Variants in SH2D4A observed in about 807,000 individuals in gnomAD.
SH2D4A encodes the protein SH2 domain containing 4A, also known as SH2 domain-containing protein 4A.
In SH2D4A, 70 loss-of-function variants were observed where a neutral mutation model predicts 64.7. That is an observed-to-expected ratio of 1.08 (90% confidence interval 0.89 to 1.32). SH2D4A has a LOEUF of 1.32. SH2D4A is among the 40% of genes most tolerant of loss of function. SH2D4A has a pLI of 0.00. For synonymous variants in SH2D4A, 268 were observed against 200.7 expected, an observed-to-expected ratio of 1.34 and a Z score of -2.83; for missense variants, 706 against 540.1, an observed-to-expected ratio of 1.31 and a Z score of -3.04.
chr8:19,342,708 G>A (rs1585160967), intron 4 of SH2D4A, among the ~76,000 whole-genome samples: 1 of 152,280 alleles, frequency 6.6e-6, no homozygotes, highest in Non-Finnish European at 1.5e-5. Flanking sequence ...CTGCCCCCGG[G>A]AAGGTAATCA....
At chr8:19,370,253 A>G (rs9987252) in intron 7 of SH2D4A, among the ~76,000 whole-genome samples, 1,828 of 152,168 alleles carry the variant, frequency 0.012, 34 homozygotes, top group African/African-American at 0.041. Flanking sequence ...AGAATAGTCT[A>G]TAATTGTCTG....
At chr8:19,382,823 CTT>C (rs1159245319) in intron 8 of SH2D4A, among the ~76,000 whole-genome samples, 240 of 64,586 alleles carry the variant, frequency 3.7e-3, no homozygotes, top group African/African-American at 0.013. Flanking sequence ...TTTTAAGATT[CTT>C]TTTTTTTTTT....
In SH2D4A at chr8:19,327,672, C is replaced by T. The variant is rs186315083; in HGVS notation, c.182-5283C>T. Among the ~76,000 whole-genome samples, 157 of 152,296 alleles carry T rather than the reference C, an allele frequency of 1.0e-3. 2 individuals carry two copies. The highest frequency in any genetic ancestry group is 3.6e-3 in the African/African-American group (148 of 41,568). ...CTGTGTTTCCCCCATTTAAAGAAAT[C>T]GTTCAGCCAACTGTGCTCTTGAAGT... On this transcript the variant is annotated intron_variant, in intron 2 of 9. Coordinates refer to ENST00000265807, the MANE Select transcript of SH2D4A (RefSeq NM_022071.4).
intron 4 of SH2D4A, among the ~76,000 whole-genome samples, chr8:19,344,177 A>G (rs1478885793): frequency 1.3e-5 from 2 of 152,112 alleles, no homozygotes; most frequent in East Asian, 1.9e-4. Flanking sequence ...CCAGCTCCTC[A>G]GGTGGGAAGT....
chr8:19,315,730 A>G (rs2052077141), intron 1 of SH2D4A, among the ~76,000 whole-genome samples: 2 of 152,178 alleles, frequency 1.3e-5, no homozygotes, highest in Admixed American at 1.3e-4. Flanking sequence ...TGCCCTTGAT[A>G]TAGTATGGGA....
At chr8:19,340,935 C>CT (rs2117229240) in intron 4 of SH2D4A, among the ~76,000 whole-genome samples, 1 of 152,264 alleles carries the variant, frequency 6.6e-6, no homozygotes, top group South Asian at 2.1e-4. Flanking sequence ...GTTCACAACA[C>CT]TTTTTCTCAT....
At chr8:19,323,853 T>C (rs1156235725) in intron 2 of SH2D4A, among the ~76,000 whole-genome samples, 2 of 152,226 alleles carry the variant, frequency 1.3e-5, no homozygotes, top group Non-Finnish European at 2.9e-5. Flanking sequence ...CAGCTAAGCC[T>C]GAAGTGTGTG....
At position 19,373,627 on chromosome 8, in the gene SH2D4A, A is replaced by G; in HGVS notation, c.1015A>G (p.Lys339Glu). The change falls in exon 8 of 10, where the codon AAA becomes GAA. Residue 339 changes from lysine (K) to glutamate (E), a missense_variant. Lys to Glu is a moderately conservative substitution (Grantham distance 56). Transcript: ENST00000265807. Reference protein sequence around the residue: ...EQLPLRAGYQKTSDTIAPWFH... With the variant: ...EQLPLRAGYQETSDTIAPWFH... ...GCTACCACTTCGAGCGGGCTACCAGAAAACCTCAGACACCATAGCCCCCTG... is the reference window on the plus strand; with the variant it reads ...GCTACCACTTCGAGCGGGCTACCAGGAAACCTCAGACACCATAGCCCCCTG... 1 of 1,613,388 alleles carries G rather than the reference A, an allele frequency of 6.2e-7. No individual in the cohort carries two copies. The highest frequency in any genetic ancestry group is 8.5e-7 in the Non-Finnish European group (1 of 1,179,600).
At chr8:19,381,046 G>GTT (rs869149766) in intron 8 of SH2D4A, among the ~76,000 whole-genome samples, 1,619 of 143,454 alleles carry the variant, frequency 0.011, 32 homozygotes, top group African/African-American at 0.039. Context: ...ATGTTTTGTA[G>GTT]TTTTTTTTTT....
At chr8:19,348,350 G>A (rs1440676079) in intron 4 of SH2D4A, among the ~76,000 whole-genome samples, 1 of 152,128 alleles carries the variant, frequency 6.6e-6, no homozygotes, top group Non-Finnish European at 1.5e-5. Flanking sequence ...TCTTGCCCCT[G>A]CCTCCCAAAG....
intron 1 of SH2D4A, 177 bp downstream of exon 1, chr8:19,314,000 C>G: frequency 1.7e-6 from 2 of 1,190,332 alleles, no homozygotes; most frequent in Non-Finnish European, 2.1e-6. Context: ...GGCTCAGGTG[C>G]GGGGTTGGGC....
At chr8:19,389,992 C>T (rs952101896) in intron 8 of SH2D4A, among the ~76,000 whole-genome samples, 1 of 152,198 alleles carries the variant, frequency 6.6e-6, no homozygotes, top group African/African-American at 2.4e-5. Context: ...ACCAATGTGT[C>T]ATAGCCTTTA....
intron 4 of SH2D4A, among the ~76,000 whole-genome samples, chr8:19,343,495 A>G (rs1469680840): frequency 2.6e-5 from 4 of 151,600 alleles, no homozygotes; most frequent in Non-Finnish European, 5.9e-5. Context: ...TTTTTGGTGG[A>G]AAAAAAAAGA....
At chr8:19,384,478 G>C (rs927254325) in intron 8 of SH2D4A, among the ~76,000 whole-genome samples, 1 of 152,086 alleles carries the variant, frequency 6.6e-6, no homozygotes, top group Non-Finnish European at 1.5e-5. Context: ...TTCAGTTCCG[G>C]ACTGTCTTGA....
chr8:19,353,152 G>C (rs557308574), intron 4 of SH2D4A, among the ~76,000 whole-genome samples: 2 of 152,100 alleles, frequency 1.3e-5, no homozygotes, highest in South Asian at 4.2e-4. Flanking sequence ...CAGGTAGGAG[G>C]GTCATTTTCT....
intron 2 of SH2D4A, among the ~76,000 whole-genome samples, chr8:19,328,650 T>A (rs1056116150): frequency 6.6e-6 from 1 of 152,200 alleles, no homozygotes; most frequent in Non-Finnish European, 1.5e-5. Context: ...ATCCTGTATA[T>A]ACTGACATGC....
chr8:19,336,298 A>G (rs1357330493), intron 4 of SH2D4A, among the ~76,000 whole-genome samples: 1 of 152,318 alleles, frequency 6.6e-6, no homozygotes, highest in African/African-American at 2.4e-5. Flanking sequence ...TGTCATTAAT[A>G]TGAGGGCTAT....
intron 2 of SH2D4A, among the ~76,000 whole-genome samples, chr8:19,324,672 T>C (rs2117185610): frequency 6.6e-6 from 1 of 152,194 alleles, no homozygotes; most frequent in East Asian, 1.9e-4. Context: ...TGAATATCTG[T>C]ATTCCCCAGG....
chr8:19,334,467 T>C (rs1476747710), intron 3 of SH2D4A, among the ~76,000 whole-genome samples: 1 of 152,158 alleles, frequency 6.6e-6, no homozygotes, highest in Non-Finnish European at 1.5e-5. Context: ...CTTGGAGCTC[T>C]TATAACAAAG....
Sources: allele counts gnomAD v4.1 joint callset (sites outside exome capture counted in the v4.1 genomes callset), GRCh38; gene constraint gnomAD v4.1.1; transcripts MANE v1.5; gene names NCBI Gene and HGNC (gene_info 2026-07-23, HGNC 2026-07-21).